The following GRID2 variants were observed in gnomAD, a reference collection of about 807,000 sequenced individuals.
GRID2 encodes the protein glutamate receptor ionotropic, delta-2.
GRID2 carries 33 observed loss-of-function variants against 114.8 expected under a neutral mutation model. The observed-to-expected ratio is 0.29, with a 90% CI of 0.22 to 0.38. The LOEUF (loss-of-function observed/expected upper bound fraction) is 0.38, where lower values mean the gene tolerates loss of function less well. GRID2 is among the 10% of genes least tolerant of loss of function. The pLI is 1.00. For missense variants in GRID2, 1,184 were observed against 1,257.7 expected (o/e 0.94, Z 0.89); for synonymous variants, 505 against 449.9 (o/e 1.12, Z -1.55).
At chr4:92,923,568 C>A (rs1406075369) in intron 2 of GRID2, among the ~76,000 whole-genome samples, 1 of 152,010 alleles carries the variant, frequency 6.6e-6, no homozygotes, top group Non-Finnish European at 1.5e-5. Flanking sequence ...CTGCCATTTT[C>A]TTTGTTTTAT....
At chr4:92,828,636 G>T (rs966414119) in intron 2 of GRID2, among the ~76,000 whole-genome samples, 1 of 152,022 alleles carries the variant, frequency 6.6e-6, no homozygotes, top group Non-Finnish European at 1.5e-5. Flanking sequence ...AATTACAGAT[G>T]ATAACTTCCT....
chr4:92,386,976 ACT>A (rs1303081145), intron 1 of GRID2, among the ~76,000 whole-genome samples: 1 of 151,874 alleles, frequency 6.6e-6, no homozygotes, highest in East Asian at 1.9e-4. Context: ...ATCTGTGTTT[ACT>A]CTGTTTCTTG....
intron 1 of GRID2, among the ~76,000 whole-genome samples, chr4:92,576,082 A>C (rs554250379): frequency 6.6e-6 from 1 of 152,176 alleles, no homozygotes; most frequent in Non-Finnish European, 1.5e-5. Flanking sequence ...CCAAGGTGGC[A>C]ATCTGCCTTT....
chr4:92,826,783 G>C (rs1431889062), intron 2 of GRID2, among the ~76,000 whole-genome samples: 1 of 152,056 alleles, frequency 6.6e-6, no homozygotes, highest in African/African-American at 2.4e-5. Flanking sequence ...GATTTAAAAT[G>C]TCAAGTATTA....
chr4:92,798,030 TCAAA>T (rs1739975282), intron 2 of GRID2, among the ~76,000 whole-genome samples: 1 of 151,990 alleles, frequency 6.6e-6, no homozygotes, highest in Non-Finnish European at 1.5e-5. Flanking sequence ...AGGTCCTGAA[TCAAA>T]CAAAGATAAC....
At chr4:92,994,883 C>G (rs552344832) in intron 2 of GRID2, among the ~76,000 whole-genome samples, 74 of 152,280 alleles carry the variant, frequency 4.9e-4, no homozygotes, top group African/African-American at 1.6e-3. Context: ...TTGGAGCCAG[C>G]TCACACAGGC....
chr4:92,966,781 C>G (rs946941427), intron 2 of GRID2, among the ~76,000 whole-genome samples: 1 of 151,890 alleles, frequency 6.6e-6, no homozygotes, highest in Non-Finnish European at 1.5e-5. Flanking sequence ...TACTCAGTCT[C>G]GGGTATGTCC....
Position 93,461,998 on chromosome 4 carries a change from C to G in GRID2, c.1858+6024C>G, listed in dbSNP as rs575525493. Among the ~76,000 whole-genome samples the G allele has an allele frequency of 1.9e-4, 29 of 152,176 alleles. No individual in the cohort carries two copies. In the South Asian group the frequency reaches 5.4e-3, roughly 28 times the overall value. On this transcript the variant is annotated intron_variant, in intron 11 of 15. Coordinates refer to ENST00000282020, the MANE Select transcript of GRID2 (RefSeq NM_001510.4). ...TCTGTTTACATGCAAAGGGAAATTT[C>G]AGAATTATCTTCAGATGTTTGTGTC...
At chr4:93,024,461 T>C (rs1244093494) in intron 2 of GRID2, among the ~76,000 whole-genome samples, 1 of 151,820 alleles carries the variant, frequency 6.6e-6, no homozygotes, top group Non-Finnish European at 1.5e-5. Context: ...GATTTAAAAT[T>C]TTCTTCTGAA....
intron 4 of GRID2, among the ~76,000 whole-genome samples, chr4:93,122,600 G>C (rs1376805826): frequency 6.6e-6 from 1 of 151,810 alleles, no homozygotes; most frequent in Non-Finnish European, 1.5e-5. Context: ...TCTTTCCATG[G>C]GCCCAATAGT....
In GRID2 at chr4:92,552,625, G is replaced by T. The variant is rs568909771; in HGVS notation, c.89-37506G>T. Among the ~76,000 whole-genome samples the T allele has an allele frequency of 6.8e-4, 103 of 152,260 alleles. 1 individual carries two copies. The highest frequency in any genetic ancestry group is 1.2e-3 in the Non-Finnish European group (82 of 68,010). ...CGTTCTCTTAAGATCGAATGAAGCA[G>T]ATTTTAAAAGCTCAGCTACAGTAGA... On this transcript the variant is annotated intron_variant, in intron 1 of 15. Coordinates refer to ENST00000282020, the MANE Select transcript of GRID2 (RefSeq NM_001510.4).
At chr4:93,459,263 T>C (rs1723514564) in intron 11 of GRID2, among the ~76,000 whole-genome samples, 1 of 142,314 alleles carries the variant, frequency 7.0e-6, no homozygotes, top group Non-Finnish European at 1.5e-5. Flanking sequence ...AGAAAAAGAG[T>C]GAAAACATAA....
At chr4:92,805,385 A>G (rs879847400) in intron 2 of GRID2, among the ~76,000 whole-genome samples, 1 of 152,048 alleles carries the variant, frequency 6.6e-6, no homozygotes, top group African/African-American at 2.4e-5. Flanking sequence ...CTATAAAAAG[A>G]GAATTGTGGT....
chr4:92,476,685 T>C (rs1392706306), intron 1 of GRID2, among the ~76,000 whole-genome samples: 1 of 152,214 alleles, frequency 6.6e-6, no homozygotes. Context: ...GAAAAAAATT[T>C]CGTATGTTTT....
intron 13 of GRID2, among the ~76,000 whole-genome samples, chr4:93,608,396 G>A (rs546234118): frequency 7.2e-6 from 1 of 138,522 alleles, no homozygotes; most frequent in East Asian, 2.0e-4. Context: ...GTGCCATGCT[G>A]GTGCGCTGCA....
rs1452040086 is a variant in GRID2 at position 93,608,434 on chromosome 4, T to C, written c.2194-17835T>C. On this transcript the variant is annotated intron_variant, in intron 13 of 15. Coordinates refer to ENST00000282020, the MANE Select transcript of GRID2 (RefSeq NM_001510.4). The stretch of plus-strand genomic sequence containing the variant: ...CACTAACGTGTCATCTAGCATTAGG[T>C]ATATCTCCCAATGCTATCCCTCCTC... Among the ~76,000 whole-genome samples the C allele has an allele frequency of 2.8e-5, 4 of 144,712 alleles. 1 individual carries two copies. Among genetic ancestry groups the C allele is most frequent in the Admixed American group, 2.7e-4 (4 of 14,604 alleles). The allele number at this position is 144,712 out of a possible 152,430, so 94.9% of individuals were successfully genotyped here. A position where few individuals can be genotyped will look rare whatever the true frequency, so the allele number is the denominator to read the frequency against.
At chr4:93,107,359 G>T (rs1016797437) in intron 3 of GRID2, among the ~76,000 whole-genome samples, 3 of 151,962 alleles carry the variant, frequency 2.0e-5, no homozygotes, top group Non-Finnish European at 4.4e-5. Context: ...TTCAAAAAAT[G>T]TTACAGTCAC....
chr4:93,809,733 G>A (rs1257182025), exon 2 of GRID2: 1 of 152,168 alleles, frequency 6.6e-6, no homozygotes, highest in Non-Finnish European at 1.5e-5. Flanking sequence ...AAGTCAGAAT[G>A]GCTGACTTCA....
chr4:93,284,680 A>G (rs1752967255), intron 8 of GRID2, among the ~76,000 whole-genome samples: 1 of 151,946 alleles, frequency 6.6e-6, no homozygotes, highest in Non-Finnish European at 1.5e-5. Context: ...TTGCAGAATT[A>G]TACCAAATTT....
Sources: allele counts gnomAD v4.1 joint callset (sites outside exome capture counted in the v4.1 genomes callset), GRCh38; gene constraint gnomAD v4.1.1; transcripts MANE v1.5; gene names NCBI Gene and HGNC (gene_info 2026-07-23, HGNC 2026-07-21).